ZNF140: variants seen among roughly 807,000 people sequenced by gnomAD.
The protein encoded by ZNF140 is zinc finger protein 140.
A neutral mutation model predicts 12.9 loss-of-function variants in ZNF140; 13 were observed. The ratio of observed to expected loss-of-function variants is 1.01; its 90% confidence interval spans 0.66 to 1.60. The LOEUF is 1.60. ZNF140 is among the 40% of genes most tolerant of loss of function. The probability of loss-of-function intolerance (pLI) is 0.00; values close to 1 mark genes in which losing one functional copy is unlikely to be tolerated. For synonymous variants in ZNF140, 214 were observed against 186.7 expected (o/e 1.15, Z -1.19); for missense variants, 531 against 548.8 (o/e 0.97, Z 0.32).
Position 133,083,119 on chromosome 12 carries a change from G to T in ZNF140, c.26G>T (p.Arg9Ile). The T allele has an allele frequency of 6.2e-7, 1 of 1,614,198 alleles. No individual in the cohort carries two copies. The highest frequency in any genetic ancestry group is 1.1e-5 in the South Asian group (1 of 91,084). Reference protein sequence around the residue: MSQGSVTFRDVAIDFSQEE... With the variant: MSQGSVTFIDVAIDFSQEE... ...TCATTTCAGGGGTCAGTGACATTCA[G>T]AGATGTGGCCATAGACTTCTCCCAG... Residue 9 changes from arginine to isoleucine, a missense_variant, in exon 3 of 5, where the codon AGA (arginine) becomes ATA (isoleucine). Physicochemically the swap from Arg to Ile is moderately conservative, Grantham distance 97 (BLOSUM62 -3). Coordinates refer to ENST00000355557, the MANE Select transcript of ZNF140 (RefSeq NM_003440.4).
Position 133,106,630 on chromosome 12 carries a change from A to G in ZNF140, c.1353A>G (p.Ser451=). 6.3e-7 allele frequency: 1 copy of G among 1,593,888 alleles called. No individual in the cohort carries two copies. Among genetic ancestry groups the G allele is most frequent in the Non-Finnish European group, 8.5e-7 (1 of 1,173,262 alleles). ...ATGAAAATTCATTTAATTACCACTC[A>G]TTCCTTACTGAACACCAGTGAATTT... ...YEYENSFNYH[S]FLTEHQ is the part of the protein sequence containing the mutation. The change falls in exon 5 of 5, where the codon TCA becomes TCG. Residue 451 remains serine, a synonymous_variant. Coordinates refer to ENST00000355557, the MANE Select transcript of ZNF140 (RefSeq NM_003440.4).
rs773164219 is a variant in ZNF140 at position 133,106,126 on chromosome 12, C to T, written c.849C>T (p.Ser283=). Residue 283 remains serine (S), a synonymous_variant, in exon 5 of 5, where the codon AGC becomes AGT. Coordinates refer to ENST00000355557, the MANE Select transcript of ZNF140 (RefSeq NM_003440.4). The part of the protein sequence containing the change: ...YICRKCGKAF[S]SGSELIRHQI... ...GTAGGAAATGTGGTAAAGCATTTAG[C>T]AGTGGCTCAGAACTCATTCGCCACC... 7.4e-6 allele frequency: 12 copies of T among 1,613,996 alleles called. No individual in the cohort carries two copies. The highest frequency in any genetic ancestry group is 1.3e-5 in the African/African-American group (1 of 74,918).
At chr12:133,103,090 TAC>T (rs1474069577) in intron 4 of ZNF140, among the ~76,000 whole-genome samples, 5 of 152,238 alleles carry the variant, frequency 3.3e-5, no homozygotes, top group Non-Finnish European at 7.3e-5. Context: ...AATACATGTA[TAC>T]ATTGTATAAT....
chr12:133,099,255 C>T (rs909987750), intron 4 of ZNF140, among the ~76,000 whole-genome samples: 1 of 152,166 alleles, frequency 6.6e-6, no homozygotes, highest in African/African-American at 2.4e-5. Flanking sequence ...TCACTGCAGC[C>T]TCTGCCTCCC....
chr12:133,106,303 A>G lies in ZNF140; in HGVS notation c.1026A>G (p.Ser342=). ...NECRKAFRCH[S]FLIKHQRIHA... Reference sequence around the variant, plus strand: ...GTAGGAAAGCTTTCCGTTGTCACTCATTCCTTATTAAACATCAGAGAATTC... The same window carrying G: ...GTAGGAAAGCTTTCCGTTGTCACTCGTTCCTTATTAAACATCAGAGAATTC... Residue 342 remains serine, a synonymous_variant, in exon 5 of 5, where the codon TCA becomes TCG. Coordinates refer to ENST00000355557, the MANE Select transcript of ZNF140 (RefSeq NM_003440.4). The G allele has an allele frequency of 6.2e-7, 1 of 1,614,218 alleles. No individual in the cohort carries two copies. The highest frequency in any genetic ancestry group is 8.5e-7 in the Non-Finnish European group (1 of 1,180,024).
At position 133,106,367 on chromosome 12, in the gene ZNF140, A is replaced by C. The variant is rs201313475; in HGVS notation, c.1090A>C (p.Lys364Gln). The change falls in exon 5 of 5, where the codon AAA (lysine) becomes CAA (glutamine). Residue 364 changes from lysine to glutamine, a missense_variant. Coordinates refer to ENST00000355557, the MANE Select transcript of ZNF140 (RefSeq NM_003440.4). ...EKLYECDECG[K>Q]VFTWHASLIQ... is the part of the protein sequence containing the mutation. ...GCTCTATGAATGTGATGAATGTGGT[A>C]AAGTTTTCACTTGGCATGCATCCCT... is the stretch of plus-strand genomic sequence containing the variant. 3.1e-6 allele frequency: 5 copies of C among 1,614,180 alleles called. No individual in the cohort carries two copies. In the East Asian group the frequency reaches 1.1e-4, roughly 36 times the overall value.
intron 4 of ZNF140, among the ~76,000 whole-genome samples, chr12:133,085,754 T>C (rs1285591520): frequency 1.3e-5 from 2 of 152,250 alleles, no homozygotes; most frequent in Non-Finnish European, 2.9e-5. Context: ...TGGTGGCTCA[T>C]GCCTATAATT....
chr12:133,093,618 C>G (rs1018653949), intron 4 of ZNF140: 1 of 618,670 alleles, frequency 1.6e-6, no homozygotes, highest in Admixed American at 2.6e-5. Flanking sequence ...GTCTTTCCAC[C>G]AAATTAGTTT....
chr12:133,091,260 T>C (rs1245512238), intron 4 of ZNF140, among the ~76,000 whole-genome samples: 1 of 150,768 alleles, frequency 6.6e-6, no homozygotes, highest in Non-Finnish European at 1.5e-5. Context: ...CCCTGGTTTA[T>C]TGAGACTAGA....
rs900861669 is a variant in ZNF140, at chr12:133,090,930, A to C, written c.232+7369A>C. On this transcript the variant is annotated intron_variant, in intron 4 of 4. Transcript: ENST00000355557. ...AAGAATAACAAGGCAGCATTACTGC[A>C]AACATATCTCGCCTCCCACCATAGG... is the stretch of plus-strand genomic sequence containing the variant. 4.6e-4 allele frequency among the ~76,000 whole-genome samples: 67 copies of C among 145,486 alleles called. No individual in the cohort carries two copies. The East Asian group carries it at 5.3e-3, about 11-fold the overall frequency.
At chr12:133,104,033 T>C (rs978276631) in intron 4 of ZNF140, among the ~76,000 whole-genome samples, 18 of 152,260 alleles carry the variant, frequency 1.2e-4, no homozygotes, top group Non-Finnish European at 1.9e-4. Flanking sequence ...AAATATTTCA[T>C]CAAAGAAACA....
chr12:133,090,548 C>T (rs1050298491), intron 4 of ZNF140, among the ~76,000 whole-genome samples: 17 of 152,112 alleles, frequency 1.1e-4, no homozygotes, highest in Non-Finnish European at 2.4e-4. Context: ...AAGGGGTGGC[C>T]TGCCCCTCCA....
intron 4 of ZNF140, among the ~76,000 whole-genome samples, chr12:133,089,453 A>G (rs978700983): frequency 2.0e-5 from 3 of 152,238 alleles, no homozygotes; most frequent in Admixed American, 6.5e-5. Context: ...GGTTCAAGCA[A>G]TCTGCCCACC....
At chr12:133,094,653 A>C (rs1955002886) in intron 4 of ZNF140, among the ~76,000 whole-genome samples, 4 of 151,074 alleles carry the variant, frequency 2.6e-5, no homozygotes, top group Admixed American at 2.6e-4. Context: ...CCACTCTTTG[A>C]CCCATACAGG....
Position 133,106,391 on chromosome 12 carries a change from C to G in ZNF140, c.1114C>G (p.Leu372Val). 1 of 1,614,170 alleles carries G rather than the reference C, an allele frequency of 6.2e-7. No individual in the cohort carries two copies. The highest frequency in any genetic ancestry group is 8.5e-7 in the Non-Finnish European group (1 of 1,180,028). ...TAAAGTTTTCACTTGGCATGCATCC[C>G]TTATTCAACATACGAAGAGTCACAC... ...CGKVFTWHAS[L>V]IQHTKSHTGE... The change falls in exon 5 of 5, where the codon CTT becomes GTT. Residue 372 changes from leucine (L) to valine (V), a missense_variant. By Grantham distance (32) the Leu-to-Val change is conservative (BLOSUM62 1). Transcript: ENST00000355557.
At position 133,100,449 on chromosome 12, in the gene ZNF140, G is replaced by A. The variant is rs1955307000; in HGVS notation, c.233-5061G>A. On this transcript the variant is annotated intron_variant, in intron 4 of 4. Transcript: ENST00000355557. The stretch of plus-strand genomic sequence containing the variant: ...TCTTGGCCTCCCAAAATTCTGGGAT[G>A]ACAGGCATGAGCCACCTTGCCTGGC... Among the ~76,000 whole-genome samples, 3 of 152,226 alleles carry A rather than the reference G, an allele frequency of 2.0e-5. No homozygotes were observed. The South Asian group carries it at 6.2e-4, about 32-fold the overall frequency.
intron 4 of ZNF140, among the ~76,000 whole-genome samples, chr12:133,095,998 C>G (rs1955098108): frequency 6.6e-6 from 1 of 151,182 alleles, no homozygotes; most frequent in Non-Finnish European, 1.5e-5. Context: ...TCTATCTCAA[C>G]TGCAAGAGGC....
intron 4 of ZNF140, among the ~76,000 whole-genome samples, chr12:133,091,577 T>C (rs1414375644): frequency 2.0e-5 from 3 of 150,534 alleles, no homozygotes; most frequent in African/African-American, 7.4e-5. Context: ...AAAACCGCCA[T>C]CGTCATCATG....
Position 133,106,197 on chromosome 12 carries a change from G to C in ZNF140, c.920G>C (p.Gly307Ala). The C allele has an allele frequency of 2.5e-6, 4 of 1,613,988 alleles. No homozygotes were observed. Among genetic ancestry groups the C allele is most frequent in the Non-Finnish European group, 2.5e-6 (3 of 1,179,994 alleles). Reference protein sequence around the residue: ...GEKPYECIECGKAFRRFSHLT... With the variant: ...GEKPYECIECAKAFRRFSHLT... ...AAACCTTATGAATGCATTGAATGTG[G>C]GAAGGCATTTCGCCGTTTCTCACAC... The change falls in exon 5 of 5, where the codon GGG becomes GCG. Residue 307 changes from glycine (G) to alanine (A), a missense_variant. Physicochemically the swap from Gly to Ala is moderately conservative, Grantham distance 60 (BLOSUM62 0). Transcript: ENST00000355557.
Sources: allele counts gnomAD v4.1 joint callset (sites outside exome capture counted in the v4.1 genomes callset), GRCh38; gene constraint gnomAD v4.1.1; transcripts MANE v1.5; gene names NCBI Gene and HGNC (gene_info 2026-07-23, HGNC 2026-07-21).